HDLBP: variants seen among roughly 807,000 people sequenced by gnomAD.
HDLBP encodes vigilin.
HDLBP carries 30 observed loss-of-function variants against 137.3 expected under a neutral mutation model. The ratio of observed to expected loss-of-function variants is 0.22; its 90% CI spans 0.16 to 0.30. HDLBP has a LOEUF of 0.30. Ranked by LOEUF, HDLBP falls within the 10% of genes least tolerant of loss-of-function variation. The pLI, the probability that HDLBP is intolerant of heterozygous loss-of-function variation, is 1.00. For missense variants in HDLBP, 1,119 were observed against 1,667.3 expected, an observed-to-expected ratio of 0.67 and a Z score of 5.73; for synonymous variants, 606 against 596.0, an observed-to-expected ratio of 1.02 and a Z score of -0.24.
At position 241,248,358 on chromosome 2, in the gene HDLBP, C is replaced by T. The variant is rs190790614; in HGVS notation, c.1513-10G>A. On this transcript the variant is annotated splice_polypyrimidine_tract_variant and intron_variant, in intron 12 of 27. Coordinates refer to ENST00000310931, the MANE Select transcript of HDLBP (RefSeq NM_005336.6). ...TGGTACGCTCATTTTCCTAAAAATACAATTAAAGTAGATGTCATTTATCAC... is the reference window on the plus strand; with the variant it reads ...TGGTACGCTCATTTTCCTAAAAATATAATTAAAGTAGATGTCATTTATCAC... 1.3e-6 allele frequency: 2 copies of T among 1,595,370 alleles called. No individual in the cohort carries two copies. The highest frequency in any genetic ancestry group is 2.7e-5 in the African/African-American group (2 of 74,688).
rs181013964 is a variant in HDLBP, at chr2:241,294,167, G to A, written c.-103+21403C>T. ...GGAAATAAGAGCTTCTTTGTCTCACGGGTGCCACGAATTATTTTTGTAACT... is the reference window on the plus strand; with the variant it reads ...GGAAATAAGAGCTTCTTTGTCTCACAGGTGCCACGAATTATTTTTGTAACT... On this transcript the variant is annotated intron_variant, in intron 1 of 27. Coordinates refer to ENST00000310931, the MANE Select transcript of HDLBP (RefSeq NM_005336.6). Among the ~76,000 whole-genome samples the A allele has an allele frequency of 1.8e-3, 271 of 152,196 alleles. 1 individual carries two copies. Among genetic ancestry groups the A allele is most frequent in the Admixed American group, 0.013 (202 of 15,298 alleles).
intron 1 of HDLBP, among the ~76,000 whole-genome samples, chr2:241,305,448 A>C (rs573380249): frequency 6.6e-6 from 1 of 152,222 alleles, no homozygotes; most frequent in Non-Finnish European, 1.5e-5. Context: ...CAACCAAAAA[A>C]ACGGGGCCTG....
chr2:241,283,640 A>G (rs1201112267), intron 1 of HDLBP, among the ~76,000 whole-genome samples: 1 of 150,398 alleles, frequency 6.6e-6, no homozygotes, highest in African/African-American at 2.4e-5. Context: ...ACGCCCGGCT[A>G]ATTTTTTGTA....
chr2:241,283,637 G>A (rs929436558), intron 1 of HDLBP, among the ~76,000 whole-genome samples: 32 of 150,542 alleles, frequency 2.1e-4, no homozygotes, highest in Non-Finnish European at 4.4e-4. Context: ...ACCACGCCCG[G>A]CTAATTTTTT....
At position 241,242,599 on chromosome 2, in the gene HDLBP, C is replaced by T. The variant is rs2071350057; in HGVS notation, c.2030G>A (p.Arg677His). 4 of 1,614,126 alleles carry T rather than the reference C, an allele frequency of 2.5e-6. No homozygotes were observed. Among genetic ancestry groups the T allele is most frequent in the African/African-American group, 1.3e-5 (1 of 74,938 alleles). The stretch of plus-strand genomic sequence containing the variant: ...CCCGCCGCACTCCTCCATGATGGAG[C>T]GGATCAGACGGCCCTTGGTGCCAAT... ...SLIGTKGRLIRSIMEECGGVH... is the reference protein window; with the variant it reads ...SLIGTKGRLIHSIMEECGGVH... Residue 677 changes from arginine (R) to histidine (H), a missense_variant, in exon 17 of 28, where the codon CGC becomes CAC. This residue lies in a region of HDLBP where 618 missense variants were observed against 816.7 expected (regional missense o/e 0.76). Coordinates refer to ENST00000310931, the MANE Select transcript of HDLBP (RefSeq NM_005336.6).
intron 11 of HDLBP, among the ~76,000 whole-genome samples, chr2:241,251,405 A>G (rs906087418): frequency 1.3e-5 from 2 of 152,182 alleles, no homozygotes; most frequent in African/African-American, 4.8e-5. Flanking sequence ...AAAACATAAG[A>G]CTGACACCAG....
At chr2:241,248,541 CA>C (rs1400456971) in intron 12 of HDLBP, among the ~76,000 whole-genome samples, 193 bp from the exon 13 acceptor site, 2 of 152,142 alleles carry the variant, frequency 1.3e-5, no homozygotes, top group Non-Finnish European at 2.9e-5. Context: ...TGAGTGCTCT[CA>C]CCAAGCATCG....
chr2:241,272,668 C>G lies in HDLBP; in HGVS notation c.-102-4127G>C, dbSNP rs1194223667. Reference sequence around the variant, plus strand: ...GGCCCCTCCCCCTCCGCGGCCTCCACGTCAGCAGCCACCCCCCACCCCCCC... The same window carrying G: ...GGCCCCTCCCCCTCCGCGGCCTCCAGGTCAGCAGCCACCCCCCACCCCCCC... On this transcript the variant is annotated intron_variant, in intron 1 of 27. Transcript: ENST00000310931. This position sits in a 1 kb window ranked among gnomAD's most constrained non-coding sequence, Gnocchi z 5.6. 1.1e-6 allele frequency: 1 copy of G among 872,462 alleles called. No individual in the cohort carries two copies. Among genetic ancestry groups the G allele is most frequent in the Non-Finnish European group, 1.4e-6 (1 of 731,210 alleles). 54.0% of individuals were successfully genotyped at this position (872,462 alleles called of 1,614,324 possible). A position where few individuals can be genotyped will look rare whatever the true frequency, so the allele number is the denominator to read the frequency against.
rs145914358 is a variant in HDLBP, at chr2:241,255,129, G to A, written c.1110C>T (p.Ala370=). 2.2e-4 allele frequency: 362 copies of A among 1,614,110 alleles called. No homozygotes were observed. The highest frequency in any genetic ancestry group is 2.8e-4 in the Non-Finnish European group (329 of 1,180,010). Residue 370 remains alanine (A), a synonymous_variant, in exon 9 of 28, where the codon GCC becomes GCT. Coordinates refer to ENST00000310931, the MANE Select transcript of HDLBP (RefSeq NM_005336.6). ...KANSFTVSSV[A]APSWLHRFII... ...TGAAACGGTGAAGCCAGGAAGGGGC[G>A]GCGACAGAGGAGACGGTGAAGCTAT...
chr2:241,249,789 CCAAGAGACG>C, intron 12 of HDLBP, 43 bp downstream of exon 12: 3 of 1,531,964 alleles, frequency 2.0e-6, no homozygotes, highest in Non-Finnish European at 2.6e-6. Flanking sequence ...TTAGAGGGGG[CCAAGAGACG>C]CAAGGCCAGT....
chr2:241,273,871 A>C (rs147768610), intron 1 of HDLBP, among the ~76,000 whole-genome samples: 2,407 of 149,454 alleles, frequency 0.016, 44 homozygotes, highest in African/African-American at 0.044. Flanking sequence ...TTTTTCGTGG[A>C]ACACTGACAC....
In HDLBP at chr2:241,229,549, T is replaced by C. The variant is rs922964904; in HGVS notation, c.*52A>G. 2.3e-6 allele frequency: 3 copies of C among 1,301,682 alleles called. No individual in the cohort carries two copies. In the African/African-American group the frequency reaches 4.4e-5, roughly 19 times the overall value. The allele number at this position is 1,301,682 out of a possible 1,614,324, so 80.6% of individuals were successfully genotyped here. A position where few individuals can be genotyped will look rare whatever the true frequency, so the allele number is the denominator to read the frequency against. ...TGGGTCAGATTGAGACAAACCATTG[T>C]GTGGTTGGGTTTGGGTCAGCAGGCT... On this transcript the variant is annotated 3_prime_UTR_variant, in exon 28 of 28. Coordinates refer to ENST00000310931, the MANE Select transcript of HDLBP (RefSeq NM_005336.6).
chr2:241,287,010 T>C (rs2149637960), intron 1 of HDLBP, among the ~76,000 whole-genome samples: 1 of 151,720 alleles, frequency 6.6e-6, no homozygotes, highest in African/African-American at 2.4e-5. Flanking sequence ...GTCTTCACCC[T>C]GTATCAAATG....
In HDLBP at chr2:241,233,801, C is replaced by T; in HGVS notation, c.3288+19G>A. On this transcript the variant is annotated intron_variant, in intron 24 of 27. Coordinates refer to ENST00000310931, the MANE Select transcript of HDLBP (RefSeq NM_005336.6). This position sits in a 1 kb window ranked among gnomAD's most constrained non-coding sequence, Gnocchi z 4.3. ...AACAAGCACCTCTGCCCCCGACACG[C>T]TCCAACCGAGGCTCTCACCTGGTTC... The T allele has an allele frequency of 6.2e-7, 1 of 1,614,010 alleles. No individual in the cohort carries two copies. Among genetic ancestry groups the T allele is most frequent in the Non-Finnish European group, 8.5e-7 (1 of 1,180,014 alleles).
intron 1 of HDLBP, among the ~76,000 whole-genome samples, chr2:241,284,545 T>C (rs190500692): frequency 2.0e-5 from 3 of 152,342 alleles, no homozygotes; most frequent in Non-Finnish European, 4.4e-5. Context: ...ATTGTTGAAA[T>C]GACAACAGAG....
rs2071143518 is a variant in HDLBP, at chr2:241,240,853, G to C, written c.2170-731C>G. Among the ~76,000 whole-genome samples the C allele has an allele frequency of 6.6e-6, 1 of 152,100 alleles. No homozygotes were observed. The highest frequency in any genetic ancestry group is 1.5e-5 in the Non-Finnish European group (1 of 68,010). On this transcript the variant is annotated intron_variant, in intron 17 of 27. Coordinates refer to ENST00000310931, the MANE Select transcript of HDLBP (RefSeq NM_005336.6). The surrounding 1 kb of genome is among the most constrained non-coding windows in gnomAD (Gnocchi z 5.5). ...GCCCCGAGAAGGGCGCTGCTCCACG[G>C]GACTCAGGTCCACACGGGGAGCTCT...
intron 1 of HDLBP, among the ~76,000 whole-genome samples, chr2:241,301,488 A>AT (rs2075394541): frequency 6.6e-6 from 1 of 152,228 alleles, no homozygotes; most frequent in Non-Finnish European, 1.5e-5. Flanking sequence ...AATAAAACAC[A>AT]TTCGGATGAT....
chr2:241,266,625 C>A, intron 3 of HDLBP, 169 bp downstream of exon 3: 1 of 598,922 alleles, frequency 1.7e-6, no homozygotes, highest in Non-Finnish European at 3.0e-6. Flanking sequence ...TGGCCAGTCG[C>A]CCCTGCACGC....
chr2:241,285,665 G>A (rs6437254), intron 1 of HDLBP, among the ~76,000 whole-genome samples: 129,074 of 152,240 alleles, frequency 0.85, 55,134 homozygotes, highest in East Asian at 0.95. Context: ...AAATAATGAA[G>A]GAGTGAAGAG....
Sources: gnomAD v4.1 joint callset for allele counts (sites outside exome capture counted in the v4.1 genomes callset) on GRCh38, gnomAD v4.1.1 for gene constraint, gnomAD v4.1.1 regional missense constraint, Gnocchi (gnomAD v3.1) non-coding constraint, MANE v1.5 for transcripts, NCBI Gene and HGNC (gene_info 2026-07-23, HGNC 2026-07-21) for gene names.